The following LAMC1 variants were observed in gnomAD, a reference collection of about 807,000 sequenced individuals.
The protein encoded by LAMC1 is laminin subunit gamma-1.
A neutral mutation model predicts 173.6 loss-of-function variants in LAMC1; 38 were observed. That is an observed-to-expected ratio of 0.22 (90% CI 0.17 to 0.29). The LOEUF (loss-of-function observed/expected upper bound fraction) is 0.29, where lower values mean the gene tolerates loss of function less well. LAMC1 is among the 10% of genes least tolerant of loss of function. LAMC1 has a pLI of 1.00. For synonymous variants in LAMC1, 746 were observed against 749.1 expected (o/e 1.00, Z 0.07); for missense variants, 1,824 against 2,051.8 (o/e 0.89, Z 2.14).
At chr1:183,127,113 A>C (rs1656639726) in intron 16 of LAMC1, 113 bp from the exon 17 acceptor site, 1 of 965,194 alleles carries the variant, frequency 1.0e-6, no homozygotes, top group Non-Finnish European at 1.5e-6. Context: ...GTTTTTCAAA[A>C]AAATTATGAC....
rs757478444 is a variant in LAMC1 at position 183,133,522 on chromosome 1, T to C, written c.3821T>C (p.Leu1274Pro). 1 of 1,613,756 alleles carries C rather than the reference T, an allele frequency of 6.2e-7. No homozygotes were observed. The highest frequency in any genetic ancestry group is 8.5e-7 in the Non-Finnish European group (1 of 1,179,800). Reference sequence around the variant, plus strand: ...GAGATCTATGCCAGCGTGGCTCAGCTGAGCCCTTTGGACTCTGAGACACTG... The same window carrying C: ...GAGATCTATGCCAGCGTGGCTCAGCCGAGCCCTTTGGACTCTGAGACACTG... ...AVEIYASVAQ[L>P]SPLDSETLEN... Residue 1274 changes from leucine to proline, a missense_variant, in exon 22 of 28, where the codon CTG becomes CCG. Transcript: ENST00000258341.
chr1:183,080,962 C>A (rs969386423), intron 1 of LAMC1, among the ~76,000 whole-genome samples: 1 of 152,118 alleles, frequency 6.6e-6, no homozygotes, highest in Non-Finnish European at 1.5e-5. Flanking sequence ...GATCTTGGCT[C>A]ACTGCAACCC....
intron 13 of LAMC1, among the ~76,000 whole-genome samples, chr1:183,122,872 C>T (rs1307905809): frequency 6.6e-6 from 1 of 152,098 alleles, no homozygotes; most frequent in Non-Finnish European, 1.5e-5. Flanking sequence ...CTTCTCCAAA[C>T]AGCTCTTTTT....
At chr1:183,062,208 A>G (rs776469940) in intron 1 of LAMC1, among the ~76,000 whole-genome samples, 1 of 152,126 alleles carries the variant, frequency 6.6e-6, no homozygotes, top group Non-Finnish European at 1.5e-5. Flanking sequence ...TGCAAAATTA[A>G]AAAAGTTCAA....
chr1:183,055,617 T>C lies in LAMC1; in HGVS notation c.418+31483T>C, dbSNP rs1202215765. ...TCACAAGGTCAAGAGATTGAGACCA[T>C]CCTGGCCAACATGGTGAAACCCCAT... On this transcript the variant is annotated intron_variant, in intron 1 of 27. Transcript: ENST00000258341. Among the ~76,000 whole-genome samples the C allele has an allele frequency of 2.0e-5, 3 of 151,844 alleles. No individual in the cohort carries two copies. In the East Asian group the frequency reaches 5.9e-4, roughly 30 times the overall value.
chr1:183,132,885 C>CCATACATT (rs1180846452), intron 21 of LAMC1, among the ~76,000 whole-genome samples: 1 of 152,024 alleles, frequency 6.6e-6, no homozygotes, highest in Non-Finnish European at 1.5e-5. Context: ...ATATGGTAAG[C>CCATACATT]CATACATTAT....
chr1:183,050,315 A>C (rs1571408968), intron 1 of LAMC1, among the ~76,000 whole-genome samples: 4 of 119,750 alleles, frequency 3.3e-5, no homozygotes, highest in Admixed American at 2.0e-4. Context: ...ACAGAGTCTC[A>C]CTCTCGCCCA....
intron 1 of LAMC1, among the ~76,000 whole-genome samples, chr1:183,034,563 G>A (rs1653930631): frequency 6.6e-6 from 1 of 152,158 alleles, no homozygotes; most frequent in Admixed American, 6.5e-5. Context: ...GAGCCACCGC[G>A]CCCAGCCCAG....
intron 1 of LAMC1, among the ~76,000 whole-genome samples, chr1:183,064,517 T>C (rs1348044054): frequency 2.0e-5 from 3 of 152,216 alleles, no homozygotes; most frequent in Non-Finnish European, 4.4e-5. Context: ...GCATGAGTTA[T>C]ATGTATATTT....
chr1:183,121,741 A>G lies in LAMC1; in HGVS notation c.2009A>G (p.Asp670Gly). ...YSERSAGYLD[D>G]VTLASARPGP... ...TACACAGGTGCTGGATATTTGGATG[A>G]TGTCACCCTGGCAAGTGCTCGTCCT... The change falls in exon 12 of 28, where the codon GAT (aspartate) becomes GGT (glycine). Residue 670 changes from aspartate (D) to glycine (G), a missense_variant. Coordinates refer to ENST00000258341, the MANE Select transcript of LAMC1 (RefSeq NM_002293.4). 1 of 1,613,940 alleles carries G rather than the reference A, an allele frequency of 6.2e-7. No homozygotes were observed. Among genetic ancestry groups the G allele is most frequent in the Non-Finnish European group, 8.5e-7 (1 of 1,179,950 alleles).
chr1:183,088,352 A>G (rs1455605537), intron 1 of LAMC1, among the ~76,000 whole-genome samples: 2 of 152,210 alleles, frequency 1.3e-5, no homozygotes, highest in African/African-American at 4.8e-5. Context: ...TAGGGATTGT[A>G]GTGTTTTTCA....
intron 1 of LAMC1, among the ~76,000 whole-genome samples, chr1:183,050,660 G>A (rs1654399745): frequency 6.7e-6 from 1 of 148,394 alleles, no homozygotes; most frequent in Non-Finnish European, 1.5e-5. Context: ...GGGAGGCTGA[G>A]GCTGGTGGAT....
At chr1:183,109,238 A>G (rs529099656) in intron 3 of LAMC1, among the ~76,000 whole-genome samples, 2 of 152,338 alleles carry the variant, frequency 1.3e-5, no homozygotes, top group African/African-American at 2.4e-5. Flanking sequence ...ACTGTACCCA[A>G]TGAGAAATCA....
chr1:183,043,436 A>G (rs1371217870), intron 1 of LAMC1, among the ~76,000 whole-genome samples: 2 of 152,190 alleles, frequency 1.3e-5, no homozygotes, highest in African/African-American at 4.8e-5. Context: ...AAGTTATATC[A>G]CTTTTACAGA....
At chr1:183,037,001 C>A (rs1460652762) in intron 1 of LAMC1, among the ~76,000 whole-genome samples, 1 of 151,952 alleles carries the variant, frequency 6.6e-6, no homozygotes, top group Non-Finnish European at 1.5e-5. Context: ...GCCTCGAACT[C>A]CTGACCTCAG....
chr1:183,030,667 G>T (rs1473433123), intron 1 of LAMC1, among the ~76,000 whole-genome samples: 1 of 152,110 alleles, frequency 6.6e-6, no homozygotes, highest in African/African-American at 2.4e-5. Context: ...GAACTGGTAT[G>T]GAATTGGAAA....
intron 1 of LAMC1, among the ~76,000 whole-genome samples, chr1:183,081,077 T>A (rs1398659616): frequency 6.6e-6 from 1 of 151,690 alleles, no homozygotes; most frequent in Non-Finnish European, 1.5e-5. Context: ...TTAGTAGAGA[T>A]GGGATTTCAC....
At chr1:183,072,378 T>G (rs10494555) in intron 1 of LAMC1, among the ~76,000 whole-genome samples, 15,852 of 152,302 alleles carry the variant, frequency 0.1, 1,026 homozygotes, top group Admixed American at 0.2. Flanking sequence ...TGTATCTGTC[T>G]GCTTCCTTAG....
chr1:183,085,519 T>C (rs1217056744), intron 1 of LAMC1, among the ~76,000 whole-genome samples: 1 of 151,974 alleles, frequency 6.6e-6, no homozygotes, highest in African/African-American at 2.4e-5. Flanking sequence ...CAAGCCACCA[T>C]GCTTGGCTAA....
Sources: allele counts gnomAD v4.1 joint callset (sites outside exome capture counted in the v4.1 genomes callset), GRCh38; gene constraint gnomAD v4.1.1; transcripts MANE v1.5; gene names NCBI Gene and HGNC (gene_info 2026-07-23, HGNC 2026-07-21).